The following PARP8 variants were observed in gnomAD, a reference collection of about 807,000 sequenced individuals.
The protein encoded by PARP8 is protein mono-ADP-ribosyltransferase PARP8.
Under a neutral mutation model 124.1 loss-of-function variants are expected in PARP8, and 51 were observed. That is an observed-to-expected ratio of 0.41 (90% CI 0.33 to 0.52). The LOEUF is 0.52. PARP8 is among the 20% of genes least tolerant of loss of function. The probability of loss-of-function intolerance (pLI) is 0.21; values close to 1 mark genes in which losing one functional copy is unlikely to be tolerated. For synonymous variants in PARP8, 391 were observed against 361.5 expected (o/e 1.08, Z -0.93); for missense variants, 860 against 1,018.9 (o/e 0.84, Z 2.12).
intron 9 of PARP8, among the ~76,000 whole-genome samples, chr5:50,787,875 A>G (rs1741441323): frequency 6.7e-6 from 1 of 150,184 alleles, no homozygotes; most frequent in Admixed American, 6.7e-5. Context: ...ACATTTAGTT[A>G]CCGATTTAAA....
Position 50,804,995 on chromosome 5 carries a change from C to T in PARP8, c.1575+7762C>T, listed in dbSNP as rs556986838. ...TTTTACGGTTCTTACCAAGATTCAGCTGTTGATTCTGAGTAAGTACTCCTT... is the reference window on the plus strand; with the variant it reads ...TTTTACGGTTCTTACCAAGATTCAGTTGTTGATTCTGAGTAAGTACTCCTT... On this transcript the variant is annotated intron_variant, in intron 14 of 25. Coordinates refer to ENST00000281631, the MANE Select transcript of PARP8 (RefSeq NM_024615.4). Among the ~76,000 whole-genome samples the T allele has an allele frequency of 3.9e-5, 6 of 152,064 alleles. No individual in the cohort carries two copies. In the East Asian group the frequency reaches 1.2e-3, roughly 29 times the overall value.
chr5:50,760,928 C>G (rs1177562067), intron 5 of PARP8, among the ~76,000 whole-genome samples: 1 of 152,068 alleles, frequency 6.6e-6, no homozygotes, highest in Non-Finnish European at 1.5e-5. Flanking sequence ...TGATCCAATC[C>G]TCCTCTTCCT....
At chr5:50,822,426 A>C (rs1408178158) in intron 17 of PARP8, 26 bp downstream of exon 17, 1 of 1,539,174 alleles carries the variant, frequency 6.5e-7, no homozygotes, top group Non-Finnish European at 8.9e-7. Context: ...GGTCTTGTAC[A>C]GTATATTTTT....
chr5:50,684,200 G>T (rs1029772828), intron 2 of PARP8, among the ~76,000 whole-genome samples: 10 of 151,988 alleles, frequency 6.6e-5, no homozygotes, highest in Admixed American at 2.6e-4. Flanking sequence ...ATTCTCTTTG[G>T]GTTTGAAAAG....
intron 7 of PARP8, among the ~76,000 whole-genome samples, chr5:50,771,581 T>C (rs1285066729): frequency 6.6e-6 from 1 of 152,228 alleles, no homozygotes; most frequent in African/African-American, 2.4e-5. Context: ...ACATTCCTTT[T>C]CTTATTAAAT....
At chr5:50,668,154 T>A in intron 2 of PARP8, 29 bp downstream of exon 2, 2 of 1,540,204 alleles carry the variant, frequency 1.3e-6, no homozygotes, top group Non-Finnish European at 1.8e-6. Flanking sequence ...TTGCTTCATT[T>A]CCTGTTCACA....
chr5:50,827,785 T>G (rs1746509522), intron 19 of PARP8, among the ~76,000 whole-genome samples, 159 bp from the exon 20 acceptor site: 1 of 152,192 alleles, frequency 6.6e-6, no homozygotes, highest in Non-Finnish European at 1.5e-5. Context: ...GCGTAGAGTT[T>G]TAAAAACATT....
At chr5:50,716,095 C>T (rs1755287926) in intron 2 of PARP8, among the ~76,000 whole-genome samples, 2 of 151,992 alleles carry the variant, frequency 1.3e-5, no homozygotes, top group African/African-American at 4.8e-5. Context: ...TTCAAATGAT[C>T]ATGTTATATC....
intron 2 of PARP8, among the ~76,000 whole-genome samples, chr5:50,728,105 AGACCTTGG>A (rs1349727768): frequency 6.6e-6 from 1 of 152,142 alleles, no homozygotes; most frequent in Admixed American, 6.5e-5. Context: ...GCCAGTGCCG[AGACCTTGG>A]GAGTGCCAGC....
intron 2 of PARP8, among the ~76,000 whole-genome samples, chr5:50,728,847 G>A (rs113382088): frequency 6.6e-6 from 1 of 152,046 alleles, no homozygotes; most frequent in Admixed American, 6.5e-5. Flanking sequence ...AAATATTTTA[G>A]ACTAAGTTTT....
chr5:50,721,573 T>C (rs1428959040), intron 2 of PARP8, among the ~76,000 whole-genome samples: 1 of 152,126 alleles, frequency 6.6e-6, no homozygotes, highest in Admixed American at 6.6e-5. Flanking sequence ...TAACCGATTG[T>C]ATTGTTCTGT....
At chr5:50,691,189 A>G (rs1056844655) in intron 2 of PARP8, among the ~76,000 whole-genome samples, 8 of 152,146 alleles carry the variant, frequency 5.3e-5, no homozygotes, top group South Asian at 2.1e-4. Flanking sequence ...ATAAACATAC[A>G]AGTAAAACCT....
chr5:50,772,867 T>G (rs1761770311), intron 7 of PARP8, among the ~76,000 whole-genome samples: 1 of 151,820 alleles, frequency 6.6e-6, no homozygotes, highest in Non-Finnish European at 1.5e-5. Flanking sequence ...TGGCTAATTT[T>G]TTTGAATTTT....
At chr5:50,755,764 C>G (rs1243084194) in intron 3 of PARP8, among the ~76,000 whole-genome samples, 1 of 152,106 alleles carries the variant, frequency 6.6e-6, no homozygotes, top group Admixed American at 6.5e-5. Flanking sequence ...CTATAAATTA[C>G]CTTGGGCAAT....
intron 7 of PARP8, among the ~76,000 whole-genome samples, chr5:50,773,653 A>G (rs909159545): frequency 2.0e-5 from 3 of 152,086 alleles, no homozygotes; most frequent in African/African-American, 7.2e-5. Context: ...TTGTGCTTTC[A>G]TGTGAATTTT....
At chr5:50,717,324 G>A (rs1411438199) in intron 2 of PARP8, among the ~76,000 whole-genome samples, 1 of 151,954 alleles carries the variant, frequency 6.6e-6, no homozygotes, top group East Asian at 1.9e-4. Flanking sequence ...ACTTACGATG[G>A]AATGGACAGA....
intron 9 of PARP8, among the ~76,000 whole-genome samples, chr5:50,781,281 CTTTTG>C (rs1485894887): frequency 1.3e-5 from 2 of 151,966 alleles, no homozygotes; most frequent in East Asian, 3.9e-4. Flanking sequence ...TCACCAGTCG[CTTTTG>C]TTTTATTTGT....
chr5:50,711,323 C>T (rs555850320), intron 2 of PARP8, among the ~76,000 whole-genome samples: 3 of 152,204 alleles, frequency 2.0e-5, no homozygotes, highest in South Asian at 2.1e-4. Flanking sequence ...ATGGCCCTCT[C>T]TCCAGCTCAG....
At chr5:50,694,433 T>C (rs1209629788) in intron 2 of PARP8, among the ~76,000 whole-genome samples, 1 of 152,240 alleles carries the variant, frequency 6.6e-6, no homozygotes, top group Non-Finnish European at 1.5e-5. Context: ...AATTTAAATA[T>C]GTTTTTATGT....
Sources: allele counts gnomAD v4.1 joint callset (sites outside exome capture counted in the v4.1 genomes callset), GRCh38; gene constraint gnomAD v4.1.1; transcripts MANE v1.5; gene names NCBI Gene and HGNC (gene_info 2026-07-23, HGNC 2026-07-21).